The following KLF8 variants were observed in gnomAD, a reference collection of about 807,000 sequenced individuals.
KLF8 encodes the protein Krueppel-like factor 8.
In KLF8, 10 loss-of-function variants were observed where a neutral mutation model predicts 18.2. The observed-to-expected ratio is 0.55, with a 90% CI of 0.34 to 0.93. The LOEUF (loss-of-function observed/expected upper bound fraction) is 0.93, where lower values mean the gene tolerates loss of function less well. KLF8 is among the 40% of genes least tolerant of loss of function. The probability of loss-of-function intolerance (pLI) is 0.02; values close to 1 mark genes in which losing one functional copy is unlikely to be tolerated. For synonymous variants in KLF8, 109 were observed against 97.3 expected, an observed-to-expected ratio of 1.12 and a Z score of -0.71; for missense variants, 264 against 277.9, an observed-to-expected ratio of 0.95 and a Z score of 0.36.
At chrX:55,935,118 C>G in the KLF8 span, among the ~76,000 whole-genome samples, 1 of 112,383 alleles carries the variant, frequency 8.9e-6, no homozygotes, top group Non-Finnish European at 1.9e-5. Context: ...TAAATGTTAG[C>G]AATGCTGTTA....
chrX:55,962,387 A>G, the KLF8 span: 2 of 226,797 alleles, frequency 8.8e-6, no homozygotes, highest in South Asian at 6.1e-5. Flanking sequence ...TGAGTTCTCC[A>G]TCTACATGGT....
At chrX:56,206,984 G>A in the KLF8 span, among the ~76,000 whole-genome samples, 137 of 112,809 alleles carry the variant, frequency 1.2e-3, no homozygotes, top group Non-Finnish European at 2.0e-3. Flanking sequence ...AAACCACATG[G>A]AAGCTGCCAA....
the KLF8 span, among the ~76,000 whole-genome samples, chrX:56,181,797 C>G: frequency 9.5e-6 from 1 of 105,428 alleles, no homozygotes; most frequent in East Asian, 3.1e-4. Flanking sequence ...GCTCCCCCCC[C>G]TTCTGGCTTG....
the KLF8 span, among the ~76,000 whole-genome samples, chrX:55,923,774 G>A: frequency 9.1e-6 from 1 of 109,683 alleles, no homozygotes; most frequent in Non-Finnish European, 1.9e-5. Flanking sequence ...ATATATTTGT[G>A]TGTATGTATA....
the KLF8 span, among the ~76,000 whole-genome samples, chrX:56,226,976 C>T: frequency 3.6e-5 from 4 of 112,489 alleles, no homozygotes; most frequent in African/African-American, 9.7e-5. Context: ...AAAAATGAGG[C>T]TGCAGTACTT....
the KLF8 span, among the ~76,000 whole-genome samples, chrX:56,000,945 G>A: frequency 8.9e-6 from 1 of 111,832 alleles, no homozygotes; most frequent in African/African-American, 3.3e-5. Context: ...AGGAATTTGT[G>A]AAAAGGGCAG....
intron 5 of KLF8, among the ~76,000 whole-genome samples, chrX:56,275,137 C>T (rs755022433): frequency 1.8e-5 from 2 of 111,335 alleles, no homozygotes; most frequent in Admixed American, 9.5e-5. Context: ...TCCATGAACA[C>T]GGAATATCTT....
At chrX:56,216,513 G>T in the KLF8 span, among the ~76,000 whole-genome samples, 4 of 91,070 alleles carry the variant, frequency 4.4e-5, no homozygotes, top group Non-Finnish European at 6.6e-5. Flanking sequence ...TCTGGCTGCT[G>T]ATTTATTTAT....
the KLF8 span, among the ~76,000 whole-genome samples, chrX:56,147,996 A>G: frequency 3.0e-4 from 34 of 112,132 alleles, no homozygotes; most frequent in Non-Finnish European, 5.3e-4. Context: ...ACAAAACTAG[A>G]GAGAAGCAAT....
chrX:55,925,310 A>G, the KLF8 span, among the ~76,000 whole-genome samples: 3 of 108,450 alleles, frequency 2.8e-5, no homozygotes, highest in Non-Finnish European at 5.7e-5. Context: ...AAAGAAGCCT[A>G]TGTATTAACC....
At chrX:55,969,646 C>G in the KLF8 span, among the ~76,000 whole-genome samples, 1 of 111,108 alleles carries the variant, frequency 9.0e-6, no homozygotes, top group Non-Finnish European at 1.9e-5. Flanking sequence ...ATCAATGAAA[C>G]AAAAAGTTGT....
At chrX:56,248,051 C>T (rs1015488536) in intron 1 of KLF8, among the ~76,000 whole-genome samples, 2 of 110,948 alleles carry the variant, frequency 1.8e-5, no homozygotes, top group African/African-American at 6.6e-5. Flanking sequence ...TATGATATCA[C>T]TAGGTGATAG....
At chrX:56,102,522 G>A in the KLF8 span, among the ~76,000 whole-genome samples, 1 of 111,117 alleles carries the variant, frequency 9.0e-6, no homozygotes, top group African/African-American at 3.3e-5. Flanking sequence ...GATAGGAATA[G>A]GTATGAATCT....
At chrX:56,131,954 A>G in the KLF8 span, among the ~76,000 whole-genome samples, 1 of 112,094 alleles carries the variant, frequency 8.9e-6, no homozygotes, top group African/African-American at 3.2e-5. Flanking sequence ...TCCTAAATAT[A>G]TATGCACCTA....
chrX:56,058,279 C>CATATATATATATATATATATATATATAT, the KLF8 span, among the ~76,000 whole-genome samples: 1 of 7,311 alleles, frequency 1.4e-4, no homozygotes, highest in Non-Finnish European at 3.6e-4. Context: ...CATATATATA[C>CATATATATATATATATATATATATATAT]ATATATATAT....
the KLF8 span, among the ~76,000 whole-genome samples, chrX:56,053,566 G>A: frequency 1.0e-5 from 1 of 100,318 alleles, no homozygotes; most frequent in Non-Finnish European, 2.0e-5. Flanking sequence ...TTGGGGAATA[G>A]TTTCAGCCGG....
At chrX:56,208,155 T>C in the KLF8 span, among the ~76,000 whole-genome samples, 1 of 111,519 alleles carries the variant, frequency 9.0e-6, no homozygotes, top group African/African-American at 3.3e-5. Flanking sequence ...CAAAGTGAGA[T>C]TTGAGTGAAG....
At chrX:55,989,738 C>A in the KLF8 span, among the ~76,000 whole-genome samples, 91 of 111,850 alleles carry the variant, frequency 8.1e-4, no homozygotes, top group Non-Finnish European at 1.4e-3. Context: ...AGGGAGGATT[C>A]CCTCTTTTTC....
the KLF8 span, among the ~76,000 whole-genome samples, chrX:56,161,399 G>A: frequency 7.2e-5 from 8 of 111,434 alleles, no homozygotes; most frequent in East Asian, 2.3e-3. Context: ...TCACTTTCAG[G>A]TACACCAACG....
Sources: allele counts gnomAD v4.1 joint callset (sites outside exome capture counted in the v4.1 genomes callset), GRCh38; gene constraint gnomAD v4.1.1; transcripts MANE v1.5; gene names NCBI Gene and HGNC (gene_info 2026-07-23, HGNC 2026-07-21).